BCORL1: variants seen among roughly 807,000 people sequenced by gnomAD.
BCORL1 encodes BCL-6 corepressor-like protein 1.
A neutral mutation model predicts 87.6 loss-of-function variants in BCORL1; 7 were observed. The ratio of observed to expected loss-of-function variants is 0.08; its 90% CI spans 0.05 to 0.15. The LOEUF is 0.15. Ranked by LOEUF, BCORL1 falls within the 10% of genes least tolerant of loss-of-function variation. BCORL1 has a pLI of 1.00. For synonymous variants in BCORL1, 591 were observed against 634.4 expected (o/e 0.93, Z 1.03); for missense variants, 1,215 against 1,499.7 (o/e 0.81, Z 3.13).
intron 1 of BCORL1, among the ~76,000 whole-genome samples, chrX:130,000,467 G>A (rs1603083842): frequency 8.9e-6 from 1 of 112,401 alleles, no homozygotes; most frequent in Admixed American, 9.4e-5. Flanking sequence ...CCACATAACT[G>A]TCTTCATAAT....
chrX:130,000,357 G>C (rs1927950379), intron 1 of BCORL1, among the ~76,000 whole-genome samples: 1 of 112,332 alleles, frequency 8.9e-6, no homozygotes, highest in African/African-American at 3.2e-5. Context: ...GGTTAAAATG[G>C]GGATATTCCA....
In BCORL1 at chrX:130,057,305, C is replaced by T; in HGVS notation, c.*1169C>T. The T allele has an allele frequency of 9.0e-6, 1 of 111,605 alleles. No homozygotes were observed. The highest frequency in any genetic ancestry group is 3.7e-4 in the South Asian group (1 of 2,701). The allele number at this position is 111,605 out of a possible 1,213,427, so 9.2% of individuals were successfully genotyped here. A position where few individuals can be genotyped will look rare whatever the true frequency, so the allele number is the denominator to read the frequency against. On this transcript the variant is annotated 3_prime_UTR_variant, in exon 14 of 14. Coordinates refer to ENST00000540052, the MANE Select transcript of BCORL1 (RefSeq NM_001379451.1). Reference sequence around the variant, plus strand: ...TCCTAGGCAAGGGCAGGAAAGTGGTCTCCAGCCCTTGCTCCACTCATGCCT... The same window carrying T: ...TCCTAGGCAAGGGCAGGAAAGTGGTTTCCAGCCCTTGCTCCACTCATGCCT...
At chrX:130,019,255 C>T (rs753891961) in intron 4 of BCORL1, among the ~76,000 whole-genome samples, 2 of 112,221 alleles carry the variant, frequency 1.8e-5, no homozygotes, top group Admixed American at 1.9e-4. Flanking sequence ...CTTGAGCCAC[C>T]GCGCCCTGCT....
chrX:130,009,459 A>G, intron 2 of BCORL1, among the ~76,000 whole-genome samples: 1 of 104,047 alleles, frequency 9.6e-6, no homozygotes, highest in African/African-American at 3.7e-5. Context: ...CTCTGTCTAA[A>G]AGAAAGAAAA....
intron 13 of BCORL1, 99 bp downstream of exon 13, chrX:130,052,115 TG>T: frequency 2.2e-6 from 2 of 889,112 alleles, no homozygotes; most frequent in African/African-American, 4.0e-5. Context: ...TGGCAACGAG[TG>T]CCATCACACA....
At chrX:130,012,690 C>T (rs373084207) in intron 3 of BCORL1, 22 bp downstream of exon 3, 5 of 1,171,612 alleles carry the variant, frequency 4.3e-6, no homozygotes, top group South Asian at 1.8e-5. Context: ...TATGGAGCCA[C>T]GTGCTGTCCA....
At chrX:130,055,782 A>T in intron 13 of BCORL1, 72 bp from the exon 14 acceptor site, 1 of 1,051,443 alleles carries the variant, frequency 9.5e-7, no homozygotes, top group Non-Finnish European at 1.3e-6. Context: ...TGGGCTTTGC[A>T]GAGTGTTCTG....
chrX:130,007,409 A>G (rs1449468569), intron 2 of BCORL1, among the ~76,000 whole-genome samples: 1 of 112,758 alleles, frequency 8.9e-6, no homozygotes, highest in East Asian at 2.8e-4. Context: ...CAGGGTGATG[A>G]TAATGATTTG....
intron 1 of BCORL1, among the ~76,000 whole-genome samples, chrX:129,987,606 G>C (rs1926741460): frequency 8.9e-6 from 1 of 112,066 alleles, no homozygotes; most frequent in Admixed American, 9.5e-5. Context: ...TCTGCAGGTG[G>C]GAAGGATCCT....
At chrX:130,019,934 C>T (rs1003134920) in intron 4 of BCORL1, among the ~76,000 whole-genome samples, 3 of 112,517 alleles carry the variant, frequency 2.7e-5, no homozygotes, top group African/African-American at 6.5e-5. Flanking sequence ...CGTGAGAATA[C>T]GTGACTGTTA....
chrX:130,025,361 C>T lies in BCORL1; in HGVS notation c.4060C>T (p.Arg1354Trp), dbSNP rs146180952. 7 of 1,148,283 alleles carry T rather than the reference C, an allele frequency of 6.1e-6. No individual in the cohort carries two copies. The highest frequency in any genetic ancestry group is 3.2e-4 in the Middle Eastern group (1 of 3,096). The allele number at this position is 1,148,283 out of a possible 1,213,427, so 94.6% of individuals were successfully genotyped here. A position where few individuals can be genotyped will look rare whatever the true frequency, so the allele number is the denominator to read the frequency against. The stretch of plus-strand genomic sequence containing the variant: ...CCTGACAGAGCAAGAAGACGAGCAG[C>T]GGCGGAAAGGGAGAGCAGGTAAGGC... ...EYLTEQEDEQ[R>W]RKGRADLKAR... is the part of the protein sequence containing the mutation. Residue 1354 changes from arginine to tryptophan, a missense_variant, in exon 7 of 14, where the codon CGG becomes TGG. Physicochemically the swap from Arg to Trp is moderately radical, Grantham distance 101. Coordinates refer to ENST00000540052, the MANE Select transcript of BCORL1 (RefSeq NM_001379451.1).
chrX:130,039,057 C>T, intron 10 of BCORL1, 80 bp from the exon 11 acceptor site: 2 of 1,109,530 alleles, frequency 1.8e-6, no homozygotes, highest in Non-Finnish European at 2.4e-6. Context: ...CAGTTTTTTC[C>T]CCTGATGCAG....
intron 1 of BCORL1, among the ~76,000 whole-genome samples, chrX:129,983,409 G>T (rs1837352770): frequency 1.1e-5 from 1 of 92,253 alleles, no homozygotes; most frequent in African/African-American, 4.0e-5. Flanking sequence ...AGGGCAGGGC[G>T]AGAAAAGGCT....
intron 8 of BCORL1, among the ~76,000 whole-genome samples, chrX:130,031,073 A>C (rs1225546780): frequency 8.9e-6 from 1 of 111,885 alleles, no homozygotes; most frequent in African/African-American, 3.2e-5. Context: ...GGGTCCCCCC[A>C]CTTGTTCTTG....
chrX:130,011,322 C>T (rs980382918), intron 2 of BCORL1, among the ~76,000 whole-genome samples: 2 of 110,453 alleles, frequency 1.8e-5, no homozygotes, highest in Non-Finnish European at 3.8e-5. Context: ...ACTGCAACCT[C>T]CGCCTCCCAG....
upstream of BCORL1, among the ~76,000 whole-genome samples, chrX:129,980,449 G>T (rs1926020430): frequency 8.9e-6 from 1 of 112,415 alleles, no homozygotes; most frequent in South Asian, 3.6e-4. Flanking sequence ...CGGCGGGGGC[G>T]GGGGGAGGAT....
chrX:129,999,027 T>C (rs1349262317), intron 1 of BCORL1, among the ~76,000 whole-genome samples: 1 of 109,060 alleles, frequency 9.2e-6, no homozygotes, highest in Non-Finnish European at 1.9e-5. Context: ...ATAGTAATTA[T>C]TTTGATATTT....
chrX:130,019,726 C>T (rs971833096), intron 4 of BCORL1, among the ~76,000 whole-genome samples: 4 of 112,054 alleles, frequency 3.6e-5, no homozygotes, highest in Admixed American at 1.9e-4. Context: ...AGGTACACCA[C>T]GATAACCTTC....
Position 130,014,358 on chromosome X carries a change from C to G in BCORL1, c.1586C>G (p.Thr529Ser). The change falls in exon 4 of 14, where the codon ACT becomes AGT. Residue 529 changes from threonine to serine, a missense_variant. Thr to Ser is a moderately conservative substitution (Grantham distance 58). Coordinates refer to ENST00000540052, the MANE Select transcript of BCORL1 (RefSeq NM_001379451.1). Reference sequence around the variant, plus strand: ...CTGGAGGTGAACAGGCTCCCCTGCACTTCCCCATCCGGTAGCACCACCACC... The same window carrying G: ...CTGGAGGTGAACAGGCTCCCCTGCAGTTCCCCATCCGGTAGCACCACCACC... ...VSLEVNRLPC[T>S]SPSGSTTTQP... 1.7e-6 allele frequency: 2 copies of G among 1,211,726 alleles called. No homozygotes were observed. The highest frequency in any genetic ancestry group is 1.1e-6 in the Non-Finnish European group (1 of 895,501).
Sources: allele counts gnomAD v4.1 joint callset (sites outside exome capture counted in the v4.1 genomes callset), GRCh38; gene constraint gnomAD v4.1.1; transcripts MANE v1.5; gene names NCBI Gene and HGNC (gene_info 2026-07-23, HGNC 2026-07-21).